Variants in TSEN54 observed in about 807,000 individuals in gnomAD.
The protein encoded by TSEN54 is tRNA-splicing endonuclease subunit Sen54.
In TSEN54, 55 loss-of-function variants were observed where a neutral mutation model predicts 61.9. The ratio of observed to expected loss-of-function variants is 0.89; its 90% CI spans 0.72 to 1.11. TSEN54 has a LOEUF of 1.11. TSEN54 is among the 50% of genes most tolerant of loss of function. The pLI, the probability that TSEN54 is intolerant of heterozygous loss-of-function variation, is 0.00. For synonymous variants in TSEN54, 304 were observed against 288.7 expected (o/e 1.05, Z -0.54); for missense variants, 760 against 687.7 (o/e 1.11, Z -1.18).
intron 1 of TSEN54, 53 bp from the exon 2 acceptor site, chr17:75,516,693 G>A (rs1182098656): frequency 1.2e-5 from 16 of 1,281,612 alleles, no homozygotes; most frequent in East Asian, 7.4e-5. Flanking sequence ...CCCGGGACCC[G>A]GCCAGGCGGC....
Position 75,524,483 on chromosome 17 carries a change from G to A in TSEN54, c.*71G>A, listed in dbSNP as rs753764153. 1.3e-6 allele frequency: 2 copies of A among 1,592,012 alleles called. No individual in the cohort carries two copies. The highest frequency in any genetic ancestry group is 2.2e-5 in the South Asian group (2 of 90,568). ...CTGTCTGTTCTCAGGGACCATCTCG[G>A]CTGCCTCCTGTACCCAGACTCTAAC... is the stretch of plus-strand genomic sequence containing the variant. On this transcript the variant is annotated 3_prime_UTR_variant, in exon 11 of 11. Coordinates refer to ENST00000333213, the MANE Select transcript of TSEN54 (RefSeq NM_207346.3).
At position 75,517,590 on chromosome 17, in the gene TSEN54, C is replaced by G. The variant is rs751872203; in HGVS notation, c.403C>G (p.Leu135Val). The G allele has an allele frequency of 6.2e-7, 1 of 1,613,924 alleles. No individual in the cohort carries two copies. The highest frequency in any genetic ancestry group is 2.2e-5 in the East Asian group (1 of 44,898). ...SIHLFHQDLP[L>V]SIQEAYQLLL... The stretch of plus-strand genomic sequence containing the variant: ...CCACCTCTTCCACCAAGACCTGCCA[C>G]TGTCTATCCAGGAAGCTTACCAGCT... Residue 135 changes from leucine (L) to valine (V), a missense_variant, in exon 5 of 11, where the codon CTG (leucine) becomes GTG (valine). By Grantham distance (32) the Leu-to-Val change is conservative. Transcript: ENST00000333213.
chr17:75,517,337 T>C, intron 4 of TSEN54, 93 bp downstream of exon 4: 1 of 1,441,922 alleles, frequency 6.9e-7, no homozygotes, highest in Non-Finnish European at 9.5e-7. Flanking sequence ...ACCCGGTCTT[T>C]AGAGAACTGA....
chr17:75,518,956 G>A, intron 5 of TSEN54, 39 bp from the exon 6 acceptor site: 4 of 1,612,188 alleles, frequency 2.5e-6, no homozygotes, highest in South Asian at 1.1e-5. Flanking sequence ...GTTTTCCAGA[G>A]TGGCCATCTG....
chr17:75,521,350 A>C, intron 6 of TSEN54, 59 bp from the exon 7 acceptor site: 1 of 1,438,954 alleles, frequency 6.9e-7, no homozygotes, highest in Non-Finnish European at 9.8e-7. Context: ...TACACATCCC[A>C]CCAGATCCCC....
chr17:75,523,216 A>C, intron 8 of TSEN54, 59 bp from the exon 9 acceptor site: 1 of 1,612,778 alleles, frequency 6.2e-7, no homozygotes, highest in South Asian at 1.1e-5. Context: ...CCTAAACTAG[A>C]TGGCAGACTG....
chr17:75,516,896 G>C lies in TSEN54; in HGVS notation c.207G>C (p.Gln69His). The C allele has an allele frequency of 6.5e-7, 1 of 1,547,134 alleles. No homozygotes were observed. Reference protein sequence around the residue: ...REELWQLLAEQRVERLGSLVA... With the variant: ...REELWQLLAEHRVERLGSLVA... ...AGCTCTGGCAGCTGCTGGCAGAGCA[G>C]CGCGTGGAGCGCCTGTGAGAGGGGC... Residue 69 changes from glutamine (Q) to histidine (H), a missense_variant, in exon 2 of 11, where the codon CAG becomes CAC. Physicochemically the swap from Gln to His is conservative, Grantham distance 24 (BLOSUM62 0). Transcript: ENST00000333213.
chr17:75,516,617 G>A lies in TSEN54; in HGVS notation c.56+1G>A. 5 of 1,189,592 alleles carry A rather than the reference G, an allele frequency of 4.2e-6. No individual in the cohort carries two copies. The highest frequency in any genetic ancestry group is 5.2e-6 in the Non-Finnish European group (5 of 962,190). 73.7% of individuals were successfully genotyped at this position (1,189,592 alleles called of 1,614,324 possible). On this transcript the variant is annotated splice_donor_variant, in intron 1 of 10. Transcript: ENST00000333213. LOFTEE classifies it high-confidence loss of function. Reference sequence around the variant, plus strand: ...AGGTTCCCGCGGGGCGCGTGCTCAGGTGCGGCGCGGCCCGGCCGGAGTGGG... The same window carrying A: ...AGGTTCCCGCGGGGCGCGTGCTCAGATGCGGCGCGGCCCGGCCGGAGTGGG...
intron 5 of TSEN54, 44 bp downstream of exon 5, chr17:75,517,699 A>C: frequency 6.6e-7 from 1 of 1,506,498 alleles, no homozygotes; most frequent in Non-Finnish European, 9.2e-7. Context: ...CATCCACTGA[A>C]TCAATGAGTA....
chr17:75,520,380 G>A (rs2053414572), intron 6 of TSEN54, among the ~76,000 whole-genome samples: 2 of 147,290 alleles, frequency 1.4e-5, no homozygotes, highest in South Asian at 4.3e-4. Context: ...GACCAGCCTG[G>A]ACAGCGTGGT....
chr17:75,517,511 C>A, intron 4 of TSEN54, 46 bp from the exon 5 acceptor site: 1 of 1,537,166 alleles, frequency 6.5e-7, no homozygotes, highest in Non-Finnish European at 9.0e-7. Context: ...TCCTCTGTGG[C>A]ACTGTAGTGA....
At chr17:75,518,529 T>A (rs1460103735) in intron 5 of TSEN54, 1 of 985,390 alleles carries the variant, frequency 1.0e-6, no homozygotes, top group African/African-American at 1.7e-5. Flanking sequence ...CATTCTTATC[T>A]ATGTTCCTCT....
chr17:75,522,755 C>T (rs1457360406), intron 8 of TSEN54: 3 of 299,890 alleles, frequency 1.0e-5, no homozygotes, highest in Non-Finnish European at 1.9e-5. Flanking sequence ...TTACTTAAAG[C>T]CTTTATGGGA....
chr17:75,522,340 C>T lies in TSEN54; in HGVS notation c.1252+7C>T. On this transcript the variant is annotated splice_region_variant and intron_variant, in intron 8 of 10. Transcript: ENST00000333213. Reference sequence around the variant, plus strand: ...GGCCAGGCCAGCTCCCCAGGTACCCCCTCAGCCTGCCACATCTTCGAGGGC... The same window carrying T: ...GGCCAGGCCAGCTCCCCAGGTACCCTCTCAGCCTGCCACATCTTCGAGGGC... 6.5e-7 allele frequency: 1 copy of T among 1,544,458 alleles called. No homozygotes were observed. Among genetic ancestry groups the T allele is most frequent in the Non-Finnish European group, 8.7e-7 (1 of 1,146,816 alleles).
chr17:75,522,087 T>C lies in TSEN54; in HGVS notation c.1006T>C (p.Ser336Pro). 6.3e-7 allele frequency: 1 copy of C among 1,585,234 alleles called. No homozygotes were observed. Among genetic ancestry groups the C allele is most frequent in the Non-Finnish European group, 8.6e-7 (1 of 1,166,092 alleles). ...NVAGRETDAE[S>P]WCQKLNQRKE... ...GGCTGGGCGGGAGACAGACGCTGAG[T>C]CCTGGTGCCAGAAGCTGAACCAGCG... The change falls in exon 8 of 11, where the codon TCC becomes CCC. Residue 336 changes from serine (S) to proline (P), a missense_variant. Transcript: ENST00000333213.
At chr17:75,518,407 C>G in intron 5 of TSEN54, 1 of 423,078 alleles carries the variant, frequency 2.4e-6, no homozygotes. Context: ...CGAGGAGTGT[C>G]TGGTGATGCA....
At chr17:75,517,102 G>C (rs2053378649) in intron 3 of TSEN54, 30 bp downstream of exon 3, 1 of 1,096,138 alleles carries the variant, frequency 9.1e-7, no homozygotes, top group Non-Finnish European at 1.2e-6. Flanking sequence ...ACCGGGGACC[G>C]CCCTCCCTGC....
chr17:75,524,693 T>C lies in TSEN54; in HGVS notation c.*281T>C, dbSNP rs1489722709. 1.9e-6 allele frequency: 1 copy of C among 539,302 alleles called. No individual in the cohort carries two copies. Among genetic ancestry groups the C allele is most frequent in the Non-Finnish European group, 3.4e-6 (1 of 297,470 alleles). The allele number at this position is 539,302 out of a possible 1,614,324, so 33.4% of individuals were successfully genotyped here. On this transcript the variant is annotated 3_prime_UTR_variant, in exon 11 of 11. Coordinates refer to ENST00000333213, the MANE Select transcript of TSEN54 (RefSeq NM_207346.3). The stretch of plus-strand genomic sequence containing the variant: ...GTGCCTTTAACGAGAGGGTGCCTGC[T>C]TCGTGCTATAAAGCCAAAGCCATTA...
chr17:75,519,642 A>G (rs1253835390), intron 6 of TSEN54, among the ~76,000 whole-genome samples: 1 of 152,232 alleles, frequency 6.6e-6, no homozygotes, highest in Non-Finnish European at 1.5e-5. Flanking sequence ...AGCTTACTGT[A>G]GCCTCTGCCT....
Sources: allele counts gnomAD v4.1 joint callset (sites outside exome capture counted in the v4.1 genomes callset), GRCh38; gene constraint gnomAD v4.1.1; transcripts MANE v1.5; gene names NCBI Gene and HGNC (gene_info 2026-07-23, HGNC 2026-07-21).